The following OSBPL2 variants were observed in gnomAD, a reference collection of about 807,000 sequenced individuals.
OSBPL2 encodes the protein oxysterol binding protein like 2.
OSBPL2 carries 18 observed loss-of-function variants against 58.4 expected under a neutral mutation model. That is an observed-to-expected ratio of 0.31 (90% confidence interval 0.21 to 0.46). The LOEUF is 0.46. Among genes scored for constraint, OSBPL2 ranks in the 20% least tolerant of loss-of-function variants. The probability of loss-of-function intolerance (pLI) is 1.00; values close to 1 mark genes in which losing one functional copy is unlikely to be tolerated. For missense variants in OSBPL2, 461 were observed against 616.5 expected, an observed-to-expected ratio of 0.75 and a Z score of 2.67; for synonymous variants, 221 against 234.1, an observed-to-expected ratio of 0.94 and a Z score of 0.51.
rs1346357236 is a variant in OSBPL2, at chr20:62,295,922, G to T, written c.*2035G>T. The T allele has an allele frequency of 6.6e-6, 1 of 152,210 alleles. No homozygotes were observed. The highest frequency in any genetic ancestry group is 2.4e-5 in the African/African-American group (1 of 41,452). The allele number at this position is 152,210 out of a possible 1,614,324, so 9.4% of individuals were successfully genotyped here. A position where few individuals can be genotyped will look rare whatever the true frequency, so the allele number is the denominator to read the frequency against. ...TTTCCAAGTCCTCTTCTAGGACCAGGCTCCTGGTATTTCAGGGGCTGGTTG... is the reference window on the plus strand; with the variant it reads ...TTTCCAAGTCCTCTTCTAGGACCAGTCTCCTGGTATTTCAGGGGCTGGTTG... On this transcript the variant is annotated 3_prime_UTR_variant, in exon 14 of 14. Coordinates refer to ENST00000313733, the MANE Select transcript of OSBPL2 (RefSeq NM_144498.4). The surrounding 1 kb of genome is among the most constrained non-coding windows in gnomAD (Gnocchi z 4.8).
At chr20:62,292,070 G>A (rs1466361655) in intron 13 of OSBPL2, among the ~76,000 whole-genome samples, 1 of 152,224 alleles carries the variant, frequency 6.6e-6, no homozygotes, top group Non-Finnish European at 1.5e-5. Context: ...ACACTTTGCC[G>A]AGACCACCCG....
chr20:62,293,107 C>A (rs1983631502), intron 13 of OSBPL2, among the ~76,000 whole-genome samples: 2 of 152,130 alleles, frequency 1.3e-5, no homozygotes, highest in South Asian at 4.1e-4. Context: ...CGTGATCCGC[C>A]TGCCTCCAGC....
At chr20:62,273,184 C>T in intron 5 of OSBPL2, 125 bp from the exon 6 acceptor site, 1 of 766,900 alleles carries the variant, frequency 1.3e-6, no homozygotes, top group Middle Eastern at 3.7e-4. Context: ...TCGGGGAAAA[C>T]TGAAAACGCA....
intron 1 of OSBPL2, among the ~76,000 whole-genome samples, chr20:62,242,841 A>G (rs1011874343): frequency 1.3e-5 from 2 of 152,228 alleles, no homozygotes; most frequent in Admixed American, 6.5e-5. Context: ...TTGTGGGCTC[A>G]TACGGGGAGT....
At chr20:62,257,619 G>T (rs925151664) in intron 2 of OSBPL2, among the ~76,000 whole-genome samples, 5 of 152,012 alleles carry the variant, frequency 3.3e-5, no homozygotes, top group Non-Finnish European at 5.9e-5. Context: ...CACAGAGAGC[G>T]CAGCCTTGAG....
chr20:62,266,839 T>G lies in OSBPL2; in HGVS notation c.258+3148T>G, dbSNP rs184969113. Among the ~76,000 whole-genome samples the G allele has an allele frequency of 3.5e-3, 534 of 152,360 alleles. 3 individuals are homozygous for G. The highest frequency in any genetic ancestry group is 0.011 in the African/African-American group (468 of 41,586). ...TCATTTAATATCATCAGATACTCAA[T>G]CTATGTTCAAATGTCCAGTGGTCTC... On this transcript the variant is annotated intron_variant, in intron 4 of 13. Transcript: ENST00000313733.
At position 62,293,852 on chromosome 20, in the gene OSBPL2, G is replaced by A. The variant is rs769492018; in HGVS notation, c.1408G>A (p.Glu470Lys). 1.9e-6 allele frequency: 3 copies of A among 1,614,088 alleles called. No homozygotes were observed. The highest frequency in any genetic ancestry group is 1.7e-6 in the Non-Finnish European group (2 of 1,180,004). ...CTGGTTGTATGCAGGGGATTACTTT[G>A]AGCGGAATTTCTCCGACTGCCCAGA... is the stretch of plus-strand genomic sequence containing the variant. ...PDWLYAGDYF[E>K]RNFSDCPDIY The change falls in exon 14 of 14, where the codon GAG (glutamate) becomes AAG (lysine). Residue 470 changes from glutamate to lysine, a missense_variant. By Grantham distance (56) the Glu-to-Lys change is moderately conservative. This residue lies in a region of OSBPL2 where 319 missense variants were observed against 419.2 expected (regional missense o/e 0.76). Coordinates refer to ENST00000313733, the MANE Select transcript of OSBPL2 (RefSeq NM_144498.4).
chr20:62,282,027 CTT>C (rs1276263790), intron 9 of OSBPL2, 148 bp downstream of exon 9: 14 of 470,950 alleles, frequency 3.0e-5, no homozygotes, highest in Non-Finnish European at 4.7e-5. Flanking sequence ...AAGTATGACT[CTT>C]TTTTGTTTTG....
intron 1 of OSBPL2, among the ~76,000 whole-genome samples, chr20:62,241,775 C>G (rs766379946): frequency 3.9e-5 from 6 of 152,274 alleles, no homozygotes; most frequent in Admixed American, 6.5e-5. Context: ...CCAACACCTG[C>G]TGAAGCTGGA....
At chr20:62,250,516 C>A (rs1980452415) in intron 1 of OSBPL2, among the ~76,000 whole-genome samples, 1 of 152,186 alleles carries the variant, frequency 6.6e-6, no homozygotes, top group Non-Finnish European at 1.5e-5. Context: ...TCTCAGTTGT[C>A]CAGCTAAGCT....
intron 2 of OSBPL2, among the ~76,000 whole-genome samples, chr20:62,257,946 C>T (rs150238141): frequency 0.012 from 1,752 of 152,268 alleles, 28 homozygotes; most frequent in African/African-American, 0.041. Context: ...AACTCCTGAC[C>T]TCAGGTGATC....
At chr20:62,286,469 G>C (rs1307552535) in intron 10 of OSBPL2, 114 bp from the exon 11 acceptor site, 1 of 1,176,708 alleles carries the variant, frequency 8.5e-7, no homozygotes, top group African/African-American at 1.5e-5. Flanking sequence ...AAAAGGAGAA[G>C]GCTGCCTGGC....
At position 62,288,619 on chromosome 20, in the gene OSBPL2, C is replaced by T. The variant is rs548525020; in HGVS notation, c.1126-588C>T. Among the ~76,000 whole-genome samples the T allele has an allele frequency of 2.0e-5, 3 of 152,190 alleles. No homozygotes were observed. Among genetic ancestry groups the T allele is most frequent in the South Asian group, 4.2e-4 (2 of 4,816 alleles). On this transcript the variant is annotated intron_variant, in intron 11 of 13. Coordinates refer to ENST00000313733, the MANE Select transcript of OSBPL2 (RefSeq NM_144498.4). The surrounding 1 kb of genome is among the most constrained non-coding windows in gnomAD (Gnocchi z 4.8). ...GTGCAGAGGCCGAAGGCTGTGGGTGCAGGGTGCTGCCGCAGGCCTGCTCGG... is the reference window on the plus strand; with the variant it reads ...GTGCAGAGGCCGAAGGCTGTGGGTGTAGGGTGCTGCCGCAGGCCTGCTCGG...
At chr20:62,266,168 A>G (rs1431721434) in intron 4 of OSBPL2, among the ~76,000 whole-genome samples, 1 of 152,162 alleles carries the variant, frequency 6.6e-6, no homozygotes, top group Non-Finnish European at 1.5e-5. Context: ...CATCTTTTCA[A>G]CAACATGAAG....
At chr20:62,251,660 G>A (rs544580359) in intron 1 of OSBPL2, among the ~76,000 whole-genome samples, 30 of 151,500 alleles carry the variant, frequency 2.0e-4, no homozygotes, top group Admixed American at 3.3e-4. Context: ...CGCCTGCCTC[G>A]GCCTCCCAAA....
intron 1 of OSBPL2, among the ~76,000 whole-genome samples, chr20:62,243,702 G>A (rs1182850095): frequency 6.6e-6 from 1 of 152,178 alleles, no homozygotes; most frequent in African/African-American, 2.4e-5. Context: ...TCAGCGGGGA[G>A]TCCAAGTGCT....
At chr20:62,251,395 A>T (rs922400272) in intron 1 of OSBPL2, among the ~76,000 whole-genome samples, 2 of 141,614 alleles carry the variant, frequency 1.4e-5, no homozygotes, top group Non-Finnish European at 3.0e-5. Flanking sequence ...AAAGATATTC[A>T]TACTATCGTG....
intron 1 of OSBPL2, among the ~76,000 whole-genome samples, chr20:62,251,547 T>C (rs987926659): frequency 3.3e-5 from 5 of 152,086 alleles, no homozygotes; most frequent in Admixed American, 2.0e-4. Context: ...TAGCTGGTAT[T>C]ACAGGCATGC....
chr20:62,250,928 A>C (rs1194559315), intron 1 of OSBPL2, among the ~76,000 whole-genome samples: 1 of 150,958 alleles, frequency 6.6e-6, no homozygotes, highest in Non-Finnish European at 1.5e-5. Context: ...TGTCTCCAAA[A>C]ATAAATAAAT....
Sources: allele counts gnomAD v4.1 joint callset (sites outside exome capture counted in the v4.1 genomes callset), GRCh38; gene constraint gnomAD v4.1.1; regional missense constraint gnomAD v4.1.1; non-coding constraint Gnocchi (gnomAD v3.1); transcripts MANE v1.5; gene names NCBI Gene and HGNC (gene_info 2026-07-23, HGNC 2026-07-21).